The following LAMA2 variants were observed in gnomAD, a reference collection of about 807,000 sequenced individuals.
The protein encoded by LAMA2 is laminin subunit alpha-2.
In LAMA2, 269 loss-of-function variants were observed where a neutral mutation model predicts 364.8. The observed-to-expected ratio is 0.74, with a 90% CI of 0.67 to 0.82. The LOEUF (loss-of-function observed/expected upper bound fraction) is 0.82, where lower values mean the gene tolerates loss of function less well. LAMA2 is among the 40% of genes least tolerant of loss of function. The pLI is 0.00. For missense variants in LAMA2, 3,807 were observed against 3,873.2 expected (o/e 0.98, Z 0.45); for synonymous variants, 1,379 against 1,370.6 (o/e 1.01, Z -0.14).
chr6:129,201,880 G>A (rs1394705089), intron 12 of LAMA2, among the ~76,000 whole-genome samples: 1 of 152,088 alleles, frequency 6.6e-6, no homozygotes, highest in East Asian at 1.9e-4. Context: ...CTGGAAAATT[G>A]TAAAAGCAAT....
intron 34 of LAMA2, among the ~76,000 whole-genome samples, chr6:129,381,103 A>G (rs1253705267): frequency 1.3e-5 from 2 of 152,242 alleles, no homozygotes; most frequent in Non-Finnish European, 2.9e-5. Flanking sequence ...ATTGATGAAG[A>G]AAAAGAATAT....
intron 1 of LAMA2, among the ~76,000 whole-genome samples, chr6:129,022,060 T>C (rs1481837475): frequency 6.6e-6 from 1 of 152,178 alleles, no homozygotes; most frequent in Non-Finnish European, 1.5e-5. Flanking sequence ...AAATCAACCA[T>C]GCTAGTAAAA....
intron 62 of LAMA2, among the ~76,000 whole-genome samples, chr6:129,512,059 G>A (rs1204411221): frequency 6.6e-6 from 1 of 152,108 alleles, no homozygotes; most frequent in Non-Finnish European, 1.5e-5. Context: ...AAACCCTCAT[G>A]TTGTGCCAGA....
chr6:129,445,423 C>T (rs1164581368), intron 44 of LAMA2, among the ~76,000 whole-genome samples: 1 of 152,178 alleles, frequency 6.6e-6, no homozygotes, highest in Admixed American at 6.5e-5. Flanking sequence ...ACCTTCAATG[C>T]TAATTTTTAC....
chr6:129,162,749 C>A (rs1352365682), intron 8 of LAMA2, among the ~76,000 whole-genome samples: 5 of 151,940 alleles, frequency 3.3e-5, no homozygotes, highest in Non-Finnish European at 7.4e-5. Flanking sequence ...GACACTTATA[C>A]CATGTATGAT....
intron 2 of LAMA2, among the ~76,000 whole-genome samples, chr6:129,051,445 T>TG (rs11369774): frequency 0.95 from 142,125 of 149,358 alleles, 67,705 homozygotes; most frequent in East Asian, 0.97. Flanking sequence ...CCCGAGTAGC[T>TG]GGATTACAGG....
At position 129,165,768 on chromosome 6, in the gene LAMA2, T is replaced by C. The variant is rs3778137; in HGVS notation, c.1306+93T>C. On this transcript the variant is annotated intron_variant, in intron 9 of 64. Coordinates refer to ENST00000421865, the MANE Select transcript of LAMA2 (RefSeq NM_000426.4). ...CAGAAGAATATTTTGCAGTAAATGT[T>C]ATTCATGTAATAAATTTATTCTTTA... 0.3 allele frequency: 244,642 copies of C among 810,550 alleles called. 43,978 individuals are homozygous for C. The highest frequency in any genetic ancestry group is 0.74 in the African/African-American group (43,712 of 58,962). The allele number at this position is 810,550 out of a possible 1,614,324, so 50.2% of individuals were successfully genotyped here.
At chr6:128,924,475 A>G (rs1488900892) in intron 1 of LAMA2, among the ~76,000 whole-genome samples, 2 of 152,204 alleles carry the variant, frequency 1.3e-5, no homozygotes, top group African/African-American at 2.4e-5. Flanking sequence ...TAAAGGAAAC[A>G]ACCTGCCATT....
intron 1 of LAMA2, among the ~76,000 whole-genome samples, chr6:129,028,314 T>C (rs1785975784): frequency 6.8e-6 from 1 of 146,556 alleles, no homozygotes; most frequent in Non-Finnish European, 1.5e-5. Flanking sequence ...CATTAATTAA[T>C]GTATTCATTA....
chr6:128,911,551 G>A (rs1777956232), intron 1 of LAMA2, among the ~76,000 whole-genome samples: 1 of 152,168 alleles, frequency 6.6e-6, no homozygotes, highest in South Asian at 2.1e-4. Context: ...ATTCCTTAGT[G>A]AGATGAACCC....
chr6:129,438,642 G>A lies in LAMA2; in HGVS notation c.5969-4G>A, dbSNP rs566302197. 494 of 1,478,856 alleles carry A rather than the reference G, an allele frequency of 3.3e-4. 5 individuals carry two copies. The South Asian group carries it at 4.6e-3, about 14-fold the overall frequency. 91.6% of individuals were successfully genotyped at this position (1,478,856 alleles called of 1,614,324 possible). ...TAATCCTTTTTTTTGTTTTTTATTC[G>A]CAGAAAATGAAGACCATCTAAATGG... On this transcript the variant is annotated splice_polypyrimidine_tract_variant and splice_region_variant and intron_variant, in intron 41 of 64. Transcript: ENST00000421865.
intron 1 of LAMA2, among the ~76,000 whole-genome samples, chr6:129,039,778 A>G (rs1786953853): frequency 6.6e-6 from 1 of 152,172 alleles, no homozygotes; most frequent in African/African-American, 2.4e-5. Flanking sequence ...CACAGTTCAC[A>G]ATATGGTTCA....
intron 1 of LAMA2, among the ~76,000 whole-genome samples, chr6:129,016,036 C>G (rs887487560): frequency 6.6e-6 from 1 of 151,956 alleles, no homozygotes; most frequent in African/African-American, 2.4e-5. Flanking sequence ...TTCTTTTGCC[C>G]TTTGTGTTTT....
At chr6:128,981,277 C>G (rs1782848156) in intron 1 of LAMA2, among the ~76,000 whole-genome samples, 1 of 152,064 alleles carries the variant, frequency 6.6e-6, no homozygotes, top group Non-Finnish European at 1.5e-5. Flanking sequence ...CTCTCTATAA[C>G]CTAGTAATAT....
At chr6:128,906,314 A>C (rs1299664881) in intron 1 of LAMA2, among the ~76,000 whole-genome samples, 2 of 129,176 alleles carry the variant, frequency 1.5e-5, no homozygotes, top group East Asian at 4.2e-4. Flanking sequence ...CTGACTTTTT[A>C]ATGACTGCCA....
intron 12 of LAMA2, among the ~76,000 whole-genome samples, chr6:129,212,516 A>G (rs1004943610): frequency 1.1e-4 from 16 of 152,136 alleles, no homozygotes; most frequent in Non-Finnish European, 2.1e-4. Context: ...AGATTAAGTC[A>G]CTTGAACAAA....
At position 128,888,291 on chromosome 6, in the gene LAMA2, A is replaced by G. The variant is rs577239255; in HGVS notation, c.112+4934A>G. On this transcript the variant is annotated intron_variant, in intron 1 of 64. Coordinates refer to ENST00000421865, the MANE Select transcript of LAMA2 (RefSeq NM_000426.4). ...AGGAAATTGGTGGGGTTGGGCCTATATGCATTGGAATGTGGTAAATGAATG... is the reference window on the plus strand; with the variant it reads ...AGGAAATTGGTGGGGTTGGGCCTATGTGCATTGGAATGTGGTAAATGAATG... Among the ~76,000 whole-genome samples, 12 of 152,336 alleles carry G rather than the reference A, an allele frequency of 7.9e-5. No individual in the cohort carries two copies. The East Asian group carries it at 2.3e-3, about 29-fold the overall frequency.
chr6:129,505,599 C>G (rs923830817), intron 61 of LAMA2, among the ~76,000 whole-genome samples: 3 of 152,170 alleles, frequency 2.0e-5, no homozygotes, highest in Non-Finnish European at 4.4e-5. Flanking sequence ...AGCTCTCCCT[C>G]CCGGGTTCAC....
chr6:129,456,965 G>A (rs1424610427), intron 48 of LAMA2, among the ~76,000 whole-genome samples: 4 of 152,110 alleles, frequency 2.6e-5, no homozygotes, highest in Non-Finnish European at 5.9e-5. Flanking sequence ...TATTCTTATA[G>A]GATGATGCAC....
Sources: gnomAD v4.1 joint callset for allele counts (sites outside exome capture counted in the v4.1 genomes callset) on GRCh38, gnomAD v4.1.1 for gene constraint, MANE v1.5 for transcripts, NCBI Gene and HGNC (gene_info 2026-07-23, HGNC 2026-07-21) for gene names.